Variants in DOK5 observed in about 807,000 individuals in gnomAD.
DOK5 encodes the protein downstream of tyrosine kinase 5.
DOK5 carries 27 observed loss-of-function variants against 43.3 expected under a neutral mutation model. The observed-to-expected ratio is 0.62, with a 90% confidence interval of 0.46 to 0.86. The LOEUF is 0.86. Ranked by LOEUF, DOK5 falls within the 40% of genes least tolerant of loss-of-function variation. The probability of loss-of-function intolerance (pLI) is 0.00; values close to 1 mark genes in which losing one functional copy is unlikely to be tolerated. For synonymous variants in DOK5, 146 were observed against 140.1 expected (o/e 1.04, Z -0.30); for missense variants, 373 against 392.9 (o/e 0.95, Z 0.43).
chr20:54,573,056 AAT>A (rs1020701575), intron 2 of DOK5, among the ~76,000 whole-genome samples: 4 of 152,176 alleles, frequency 2.6e-5, no homozygotes, highest in Admixed American at 6.5e-5. Context: ...GGCAGAAAGG[AAT>A]ATATATAAGC....
intron 1 of DOK5, among the ~76,000 whole-genome samples, chr20:54,513,462 CAAAAA>C (rs1011871917): frequency 1.7e-3 from 42 of 24,624 alleles, no homozygotes; most frequent in African/African-American, 4.2e-3. Flanking sequence ...ATACTCTGAG[CAAAAA>C]AAAAAAAAAA....
At chr20:54,625,251 G>C (rs1987099510) in intron 6 of DOK5, among the ~76,000 whole-genome samples, 2 of 152,156 alleles carry the variant, frequency 1.3e-5, no homozygotes, top group Admixed American at 1.3e-4. Context: ...GAATGTCGGG[G>C]AAGACCACAT....
intron 2 of DOK5, among the ~76,000 whole-genome samples, chr20:54,587,473 T>C (rs1229829818): frequency 6.6e-6 from 1 of 152,198 alleles, no homozygotes; most frequent in Non-Finnish European, 1.5e-5. Context: ...AAGTGGATTC[T>C]TTTGTATAAC....
chr20:54,583,932 G>A (rs111807669), intron 2 of DOK5, among the ~76,000 whole-genome samples: 11,568 of 151,290 alleles, frequency 0.076, 1,481 homozygotes, highest in African/African-American at 0.26. Flanking sequence ...AGGCTGAGGC[G>A]AGTGGATCAC....
At chr20:54,624,645 G>A (rs1987081746) in intron 6 of DOK5, among the ~76,000 whole-genome samples, 1 of 148,750 alleles carries the variant, frequency 6.7e-6, no homozygotes, top group African/African-American at 2.5e-5. Context: ...CTATTTCAAT[G>A]TATAGGTGGG....
At chr20:54,492,123 A>T (rs1461464216) in intron 1 of DOK5, among the ~76,000 whole-genome samples, 1 of 152,036 alleles carries the variant, frequency 6.6e-6, no homozygotes, top group African/African-American at 2.4e-5. Flanking sequence ...TTTATATTAC[A>T]TATACATGGT....
In DOK5 at chr20:54,637,584, C is replaced by G. The variant is rs1978882757; in HGVS notation, c.736-5874C>G. Reference sequence around the variant, plus strand: ...AAGTCGAGTGAAGTAGTCTTATTGCCACGTTCCCCACAGTCAGTCACAGCC... The same window carrying G: ...AAGTCGAGTGAAGTAGTCTTATTGCGACGTTCCCCACAGTCAGTCACAGCC... On this transcript the variant is annotated intron_variant, in intron 6 of 7. Transcript: ENST00000262593. 2.6e-5 allele frequency among the ~76,000 whole-genome samples: 4 copies of G among 152,356 alleles called. No homozygotes were observed. The South Asian group carries it at 8.3e-4, about 32-fold the overall frequency.
intron 5 of DOK5, among the ~76,000 whole-genome samples, chr20:54,599,216 A>G (rs946992267): frequency 1.3e-5 from 2 of 152,232 alleles, no homozygotes; most frequent in Admixed American, 6.5e-5. Context: ...TATGACAATT[A>G]GAATACAAAT....
At chr20:54,647,555 A>G (rs2146836494) in intron 7 of DOK5, among the ~76,000 whole-genome samples, 1 of 152,244 alleles carries the variant, frequency 6.6e-6, no homozygotes, top group African/African-American at 2.4e-5. Flanking sequence ...TTACAGAAGC[A>G]ATCAACAAGT....
At chr20:54,597,203 C>A (rs1165094416) in intron 5 of DOK5, among the ~76,000 whole-genome samples, 1 of 152,194 alleles carries the variant, frequency 6.6e-6, no homozygotes, top group Non-Finnish European at 1.5e-5. Flanking sequence ...CATTTGCACT[C>A]ACAATAGTGC....
At chr20:54,566,980 T>C (rs768278401) in intron 2 of DOK5, among the ~76,000 whole-genome samples, 1 of 152,218 alleles carries the variant, frequency 6.6e-6, no homozygotes, top group Non-Finnish European at 1.5e-5. Context: ...TCTGTATATC[T>C]TCTATGAAAT....
intron 6 of DOK5, among the ~76,000 whole-genome samples, chr20:54,628,771 C>T (rs988662032): frequency 9.9e-5 from 15 of 152,262 alleles, no homozygotes; most frequent in Admixed American, 3.9e-4. Flanking sequence ...TTATGCCCCT[C>T]ACCAAACCAT....
intron 1 of DOK5, among the ~76,000 whole-genome samples, chr20:54,482,989 G>T (rs909615508): frequency 6.6e-6 from 1 of 152,152 alleles, no homozygotes; most frequent in Non-Finnish European, 1.5e-5. Context: ...CAGCTGGGAC[G>T]ACTCAGTTAT....
At chr20:54,484,855 A>G (rs1033779986) in intron 1 of DOK5, among the ~76,000 whole-genome samples, 3 of 152,200 alleles carry the variant, frequency 2.0e-5, no homozygotes, top group Admixed American at 2.0e-4. Context: ...TCTACAAAAA[A>G]TAAAAATAGA....
chr20:54,550,647 A>G (rs1471694905), intron 1 of DOK5, among the ~76,000 whole-genome samples: 1 of 152,192 alleles, frequency 6.6e-6, no homozygotes, highest in African/African-American at 2.4e-5. Flanking sequence ...AGTATGTAAC[A>G]TTTTAGATTT....
chr20:54,536,273 T>C (rs1045120415), intron 1 of DOK5, among the ~76,000 whole-genome samples: 3 of 152,160 alleles, frequency 2.0e-5, no homozygotes, highest in Admixed American at 2.0e-4. Flanking sequence ...AGACTGTGAG[T>C]GCATCAGTGG....
intron 2 of DOK5, among the ~76,000 whole-genome samples, chr20:54,583,379 T>C (rs1259841438): frequency 6.6e-6 from 1 of 152,186 alleles, no homozygotes; most frequent in East Asian, 1.9e-4. Flanking sequence ...TTGACTGTAT[T>C]TGTCCGTTAA....
intron 7 of DOK5, among the ~76,000 whole-genome samples, chr20:54,646,421 TTTA>T (rs1398741605): frequency 1.3e-5 from 2 of 152,018 alleles, no homozygotes; most frequent in African/African-American, 2.4e-5. Context: ...GCCCAGCTAA[TTTA>T]TTATTTTTAG....
intron 6 of DOK5, among the ~76,000 whole-genome samples, chr20:54,626,163 TG>T (rs1476596259): frequency 1.3e-5 from 2 of 152,196 alleles, no homozygotes; most frequent in Non-Finnish European, 2.9e-5. Context: ...GCACAGTGTG[TG>T]GCTTATAAAT....
Sources: gnomAD v4.1 joint callset for allele counts (sites outside exome capture counted in the v4.1 genomes callset) on GRCh38, gnomAD v4.1.1 for gene constraint, MANE v1.5 for transcripts, NCBI Gene and HGNC (gene_info 2026-07-23, HGNC 2026-07-21) for gene names.